NPAS2: variants seen among roughly 807,000 people sequenced by gnomAD.
NPAS2 encodes neuronal PAS domain protein 2.
A neutral mutation model predicts 107.5 loss-of-function variants in NPAS2; 23 were observed. The ratio of observed to expected loss-of-function variants is 0.21; its 90% CI spans 0.15 to 0.30. The LOEUF (loss-of-function observed/expected upper bound fraction) is 0.30. Among genes scored for constraint, NPAS2 ranks in the 10% least tolerant of loss-of-function variants. The pLI, the probability that NPAS2 is intolerant of heterozygous loss-of-function variation, is 1.00. For synonymous variants in NPAS2, 403 were observed against 417.5 expected (o/e 0.97, Z 0.42); for missense variants, 756 against 1,043.3 (o/e 0.72, Z 3.79).
At chr2:100,971,298 C>A (rs1473645358) in intron 12 of NPAS2, among the ~76,000 whole-genome samples, 116 of 102,470 alleles carry the variant, frequency 1.1e-3, no homozygotes, top group Non-Finnish European at 1.1e-3. Context: ...GACTCTATCT[C>A]AAAAAAAAAA....
At chr2:100,913,270 C>A (rs987473890) in intron 2 of NPAS2, among the ~76,000 whole-genome samples, 8 of 152,306 alleles carry the variant, frequency 5.3e-5, no homozygotes, top group Non-Finnish European at 1.0e-4. Flanking sequence ...AGCAAGGGAG[C>A]CTGCTAGTGC....
intron 1 of NPAS2, among the ~76,000 whole-genome samples, chr2:100,838,965 T>G (rs1446173288): frequency 6.6e-6 from 1 of 152,094 alleles, no homozygotes; most frequent in African/African-American, 2.4e-5. Context: ...CAGCTTTACT[T>G]TCAATAAAAG....
chr2:100,962,048 C>T (rs1003413586), intron 7 of NPAS2, among the ~76,000 whole-genome samples: 1 of 152,048 alleles, frequency 6.6e-6, no homozygotes, highest in East Asian at 1.9e-4. Context: ...TCTGTAGAAC[C>T]GTCCCTTATG....
At chr2:100,881,360 C>G (rs2104634267) in intron 1 of NPAS2, among the ~76,000 whole-genome samples, 1 of 152,318 alleles carries the variant, frequency 6.6e-6, no homozygotes, top group Middle Eastern at 3.4e-3. Flanking sequence ...TAGCAAGATC[C>G]CAGGGGACCT....
intron 1 of NPAS2, among the ~76,000 whole-genome samples, chr2:100,835,626 T>A (rs1159306382): frequency 6.6e-6 from 1 of 152,218 alleles, no homozygotes; most frequent in African/African-American, 2.4e-5. Flanking sequence ...TAATAAGGAT[T>A]GTTAAATCAG....
chr2:100,825,546 A>G (rs1315894862), intron 1 of NPAS2, among the ~76,000 whole-genome samples: 1 of 152,150 alleles, frequency 6.6e-6, no homozygotes, highest in Non-Finnish European at 1.5e-5. Context: ...CCTATCTTTT[A>G]TTTGCCTAGC....
chr2:100,986,881 G>A (rs973665865), intron 16 of NPAS2: 4 of 152,162 alleles, frequency 2.6e-5, no homozygotes, highest in African/African-American at 7.2e-5. Context: ...TACCTAACAA[G>A]GCAGACTTAT....
At chr2:100,993,239 T>G in intron 19 of NPAS2, 108 bp from the exon 20 acceptor site, 1 of 1,165,004 alleles carries the variant, frequency 8.6e-7, no homozygotes, top group Admixed American at 2.7e-5. Context: ...GGCCAAAAGT[T>G]TCTTATGAAG....
chr2:100,851,520 G>A (rs1011975612), intron 1 of NPAS2, among the ~76,000 whole-genome samples: 9 of 152,294 alleles, frequency 5.9e-5, no homozygotes, highest in Middle Eastern at 3.4e-3. Flanking sequence ...ACTAACCAGC[G>A]TTGTTCATGT....
rs1221750006 is a variant in NPAS2, at chr2:100,932,842, G to A, written c.182-68G>A. ...ACAAAATTACATAGAAGTAACATGTGCTTCATTTGTTAATTCCAATTTCTA... is the reference window on the plus strand; with the variant it reads ...ACAAAATTACATAGAAGTAACATGTACTTCATTTGTTAATTCCAATTTCTA... On this transcript the variant is annotated intron_variant, in intron 3 of 20. Coordinates refer to ENST00000335681, the MANE Select transcript of NPAS2 (RefSeq NM_002518.4). The A allele has an allele frequency of 2.2e-5, 23 of 1,065,632 alleles. 1 individual carries two copies. In the East Asian group the frequency reaches 5.5e-4, roughly 25 times the overall value. The allele number at this position is 1,065,632 out of a possible 1,614,324, so 66.0% of individuals were successfully genotyped here.
intron 15 of NPAS2, among the ~76,000 whole-genome samples, chr2:100,979,496 ATATATATTTTTT>A (rs1298664561): frequency 3.2e-3 from 193 of 60,650 alleles, no homozygotes; most frequent in East Asian, 0.017. Flanking sequence ...ATATATATAT[ATATATATTTTTT>A]TTTTTTTTTT....
At chr2:100,918,881 T>C (rs1683048250) in intron 2 of NPAS2, among the ~76,000 whole-genome samples, 1 of 152,232 alleles carries the variant, frequency 6.6e-6, no homozygotes, top group Non-Finnish European at 1.5e-5. Context: ...CCAGACGTTC[T>C]AGTCCTGGAT....
At position 100,965,765 on chromosome 2, in the gene NPAS2, C is replaced by T. The variant is rs745917746; in HGVS notation, c.906C>T (p.His302=). Residue 302 remains histidine (H), a splice_region_variant and synonymous_variant, in exon 10 of 21, where the codon CAC becomes CAT. Transcript: ENST00000335681. The surrounding 1 kb of genome is among the most constrained non-coding windows in gnomAD (Gnocchi z 4.3). ...AGCTCCTGGCCAGGTGTCACCAGCACCGTGAGTACCACTGCCCAGCCCAGG... is the reference window on the plus strand; with the variant it reads ...AGCTCCTGGCCAGGTGTCACCAGCATCGTGAGTACCACTGCCCAGCCCAGG... ...DLELLARCHQ[H]LMQFGKGKSC... The T allele has an allele frequency of 8.7e-6, 14 of 1,605,774 alleles. No homozygotes were observed. Among genetic ancestry groups the T allele is most frequent in the South Asian group, 1.1e-5 (1 of 90,844 alleles).
At chr2:100,967,730 C>G (rs1676309245) in intron 10 of NPAS2, among the ~76,000 whole-genome samples, 1 of 152,162 alleles carries the variant, frequency 6.6e-6, no homozygotes, top group Non-Finnish European at 1.5e-5. Context: ...AAGCCACCAG[C>G]AGACATCACT....
intron 5 of NPAS2, among the ~76,000 whole-genome samples, chr2:100,947,448 G>A (rs1010743094): frequency 3.9e-5 from 6 of 152,060 alleles, no homozygotes; most frequent in African/African-American, 1.4e-4. Context: ...CTACTTGGGA[G>A]GCTGAGGCAG....
intron 2 of NPAS2, among the ~76,000 whole-genome samples, chr2:100,912,252 ATTTATT>A (rs753717251): frequency 0.2 from 16,804 of 83,840 alleles, 1,767 homozygotes; most frequent in Admixed American, 0.44. Flanking sequence ...TTATTTATTT[ATTTATT>A]ATTATTATTT....
At chr2:100,878,041 G>A in intron 1 of NPAS2, 5 of 985,346 alleles carry the variant, frequency 5.1e-6, no homozygotes, top group Non-Finnish European at 6.0e-6. Context: ...TTCTTTGTAG[G>A]CCCCGTGGAC....
At chr2:100,834,660 C>T (rs140931311) in intron 1 of NPAS2, among the ~76,000 whole-genome samples, 24 of 152,192 alleles carry the variant, frequency 1.6e-4, no homozygotes, top group Middle Eastern at 3.4e-3. Context: ...ACATTGCCAT[C>T]CTTGGCCATC....
chr2:100,921,178 G>A (rs1190282861), intron 2 of NPAS2, among the ~76,000 whole-genome samples: 2 of 152,238 alleles, frequency 1.3e-5, no homozygotes, highest in Admixed American at 1.3e-4. Flanking sequence ...CGGCCTCACA[G>A]CGTGGGCACT....
Sources: gnomAD v4.1 joint callset for allele counts (sites outside exome capture counted in the v4.1 genomes callset) on GRCh38, gnomAD v4.1.1 for gene constraint, Gnocchi (gnomAD v3.1) non-coding constraint, MANE v1.5 for transcripts, NCBI Gene and HGNC (gene_info 2026-07-23, HGNC 2026-07-21) for gene names.